Variants in CDH18 observed in about 807,000 individuals in gnomAD.
The protein encoded by CDH18 is cadherin 18.
In CDH18, 31 loss-of-function variants were observed where a neutral mutation model predicts 67.9. That is an observed-to-expected ratio of 0.46 (90% confidence interval 0.34 to 0.62). The LOEUF is 0.62. Ranked by LOEUF, CDH18 falls within the 20% of genes least tolerant of loss-of-function variation. The pLI, the probability that CDH18 is intolerant of heterozygous loss-of-function variation, is 0.01. For missense variants in CDH18, 890 were observed against 975.5 expected, an observed-to-expected ratio of 0.91 and a Z score of 1.17; for synonymous variants, 362 against 347.2, an observed-to-expected ratio of 1.04 and a Z score of -0.48.
chr5:19,898,635 G>GAAGAAATTAAT (rs1789609853), intron 2 of CDH18, among the ~76,000 whole-genome samples: 1 of 151,926 alleles, frequency 6.6e-6, no homozygotes, highest in Non-Finnish European at 1.5e-5. Context: ...TGGAAAATAA[G>GAAGAAATTAAT]AAGAAATTAT....
At chr5:19,887,563 T>C (rs1467460837) in intron 2 of CDH18, among the ~76,000 whole-genome samples, 1 of 151,928 alleles carries the variant, frequency 6.6e-6, no homozygotes, top group East Asian at 1.9e-4. Flanking sequence ...ACAATCCATC[T>C]GGGACTTGCT....
intron 1 of CDH18, among the ~76,000 whole-genome samples, chr5:20,364,867 T>C (rs1580838131): frequency 6.6e-6 from 1 of 152,158 alleles, no homozygotes; most frequent in East Asian, 1.9e-4. Flanking sequence ...AGAATCCAAC[T>C]TATTAAGTTT....
intron 1 of CDH18, among the ~76,000 whole-genome samples, chr5:20,485,867 A>T (rs533524272): frequency 6.6e-6 from 1 of 152,342 alleles, no homozygotes; most frequent in South Asian, 2.1e-4. Flanking sequence ...GATGTATATG[A>T]GCATAATATT....
intron 1 of CDH18, among the ~76,000 whole-genome samples, chr5:20,484,901 T>A (rs917412630): frequency 6.6e-6 from 1 of 152,112 alleles, no homozygotes; most frequent in East Asian, 1.9e-4. Flanking sequence ...CAGTCAATGA[T>A]ATTTTATCAT....
intron 3 of CDH18, among the ~76,000 whole-genome samples, chr5:19,748,992 C>G (rs1028238275): frequency 5.3e-5 from 8 of 152,100 alleles, no homozygotes; most frequent in African/African-American, 1.9e-4. Context: ...AAGATTCACA[C>G]TTCATTAGTA....
intron 3 of CDH18, among the ~76,000 whole-genome samples, chr5:19,833,740 A>G (rs1007567435): frequency 1.3e-5 from 2 of 152,174 alleles, no homozygotes; most frequent in Non-Finnish European, 2.9e-5. Context: ...ACGGATGTTA[A>G]ATTTTATCAA....
At chr5:20,060,137 T>C (rs1742335097) in intron 2 of CDH18, among the ~76,000 whole-genome samples, 1 of 152,082 alleles carries the variant, frequency 6.6e-6, no homozygotes, top group South Asian at 2.1e-4. Context: ...AAAAAACTTA[T>C]TAGAACTCAT....
chr5:19,591,132 T>A lies in CDH18; in HGVS notation c.924A>T (p.Ile308=). The A allele has an allele frequency of 6.2e-7, 1 of 1,609,798 alleles. No homozygotes were observed. Among genetic ancestry groups the A allele is most frequent in the Non-Finnish European group, 8.5e-7 (1 of 1,176,504 alleles). The part of the protein sequence containing the change: ...GSNADMTYSI[I]NGDGMGIFSI... ...AGAATATTCCCATGCCATCACCATT[T>A]ATGATGGAGTAGGTCATGTCAGCAT... is the stretch of plus-strand genomic sequence containing the variant. The change falls in exon 7 of 13, where the codon ATA becomes ATT. Residue 308 remains isoleucine (I), a synonymous_variant. Transcript: ENST00000382275.
At chr5:20,424,529 A>G (rs1029184011) in intron 1 of CDH18, among the ~76,000 whole-genome samples, 2 of 150,442 alleles carry the variant, frequency 1.3e-5, no homozygotes, top group African/African-American at 5.0e-5. Context: ...AGGCAGGCAG[A>G]TCATTTAAGG....
intron 10 of CDH18, among the ~76,000 whole-genome samples, chr5:19,511,112 G>A (rs115115951): frequency 0.011 from 1,673 of 152,028 alleles, 17 homozygotes; most frequent in South Asian, 0.031. Context: ...GCACCCAGCC[G>A]ATCTGATGGT....
intron 2 of CDH18, among the ~76,000 whole-genome samples, chr5:20,076,445 G>T (rs1208199433): frequency 6.6e-6 from 1 of 151,862 alleles, no homozygotes; most frequent in Non-Finnish European, 1.5e-5. Flanking sequence ...TGTAAACCTT[G>T]TAATGAAATG....
intron 1 of CDH18, among the ~76,000 whole-genome samples, chr5:20,470,956 T>C (rs1752015576): frequency 6.6e-6 from 1 of 152,214 alleles, no homozygotes; most frequent in African/African-American, 2.4e-5. Context: ...ATTTCTGAAA[T>C]ATAATCTCCC....
At chr5:19,746,915 C>T (rs375995371) in intron 4 of CDH18, 27 bp downstream of exon 4, 373 of 1,590,830 alleles carry the variant, frequency 2.3e-4, no homozygotes, top group Non-Finnish European at 3.1e-4. Context: ...ATGTTAATTG[C>T]ATAATCACAA....
At chr5:20,175,699 T>G (rs1737179720) in intron 2 of CDH18, among the ~76,000 whole-genome samples, 1 of 152,084 alleles carries the variant, frequency 6.6e-6, no homozygotes, top group African/African-American at 2.4e-5. Flanking sequence ...GTTCAAGGGC[T>G]GGGAACATCC....
intron 2 of CDH18, among the ~76,000 whole-genome samples, chr5:20,156,294 C>T (rs572702932): frequency 2.0e-5 from 3 of 152,196 alleles, no homozygotes; most frequent in Admixed American, 6.5e-5. Flanking sequence ...TTTATCACAG[C>T]GCTATTCACA....
At chr5:20,173,321 G>A (rs1486952157) in intron 2 of CDH18, among the ~76,000 whole-genome samples, 2 of 152,080 alleles carry the variant, frequency 1.3e-5, no homozygotes, top group African/African-American at 2.4e-5. Context: ...AGCAAATCTC[G>A]GAAGTCAACG....
At chr5:20,540,138 G>T (rs561915891) in intron 1 of CDH18, among the ~76,000 whole-genome samples, 2 of 152,048 alleles carry the variant, frequency 1.3e-5, no homozygotes, top group Non-Finnish European at 2.9e-5. Flanking sequence ...TCTTAGAGAG[G>T]CTACAAATGC....
intron 5 of CDH18, among the ~76,000 whole-genome samples, chr5:19,669,687 T>C (rs928380477): frequency 1.3e-5 from 2 of 152,152 alleles, no homozygotes; most frequent in African/African-American, 4.8e-5. Flanking sequence ...TATCTTTATA[T>C]CTGTTTATCC....
At chr5:19,940,278 A>G (rs1199710023) in intron 2 of CDH18, among the ~76,000 whole-genome samples, 1 of 151,686 alleles carries the variant, frequency 6.6e-6, no homozygotes, top group African/African-American at 2.4e-5. Context: ...CACCAAGTCA[A>G]TAGGTTCTAA....
Sources: allele counts gnomAD v4.1 joint callset (sites outside exome capture counted in the v4.1 genomes callset), GRCh38; gene constraint gnomAD v4.1.1; transcripts MANE v1.5; gene names NCBI Gene and HGNC (gene_info 2026-07-23, HGNC 2026-07-21).